RGS7: variants seen among roughly 807,000 people sequenced by gnomAD.
The protein encoded by RGS7 is regulator of G-protein signaling 7.
A neutral mutation model predicts 81.1 loss-of-function variants in RGS7; 27 were observed. The ratio of observed to expected loss-of-function variants is 0.33; its 90% confidence interval spans 0.25 to 0.46. RGS7 has a LOEUF of 0.46. Among genes scored for constraint, RGS7 ranks in the 20% least tolerant of loss-of-function variants. The pLI is 1.00. For missense variants in RGS7, 396 were observed against 607.4 expected, an observed-to-expected ratio of 0.65 and a Z score of 3.66; for synonymous variants, 208 against 207.7, an observed-to-expected ratio of 1.00 and a Z score of -0.01.
intron 3 of RGS7, among the ~76,000 whole-genome samples, chr1:241,067,303 AG>A (rs1283138341): frequency 6.6e-6 from 1 of 152,104 alleles, no homozygotes; most frequent in Admixed American, 6.5e-5. Context: ...CTTGACATTT[AG>A]TAGGCTCTGT....
At position 241,117,842 on chromosome 1, in the gene RGS7, C is replaced by T. The variant is rs539437938; in HGVS notation, c.79-19080G>A. Among the ~76,000 whole-genome samples the T allele has an allele frequency of 5.3e-5, 8 of 152,272 alleles. No individual in the cohort carries two copies. The East Asian group carries it at 1.5e-3, about 29-fold the overall frequency. On this transcript the variant is annotated intron_variant, in intron 2 of 18. Coordinates refer to ENST00000440928, the MANE Select transcript of RGS7 (RefSeq NM_001364886.1). ...CCTCGTGTAAGAAATCAGACAATGG[C>T]ACTGGGGACAATAGCCGGTAATGCA... is the stretch of plus-strand genomic sequence containing the variant.
intron 3 of RGS7, among the ~76,000 whole-genome samples, chr1:241,051,085 G>A (rs764842256): frequency 1.2e-4 from 19 of 152,232 alleles, no homozygotes; most frequent in South Asian, 1.0e-3. Flanking sequence ...GTTAGGGGTG[G>A]GTCTGGGTGC....
chr1:240,993,748 T>C (rs1316400945), intron 3 of RGS7, among the ~76,000 whole-genome samples: 2 of 152,150 alleles, frequency 1.3e-5, no homozygotes, highest in Non-Finnish European at 2.9e-5. Context: ...TAGATTATAG[T>C]ATTAAATCTA....
At chr1:241,017,514 C>A (rs754607577) in intron 3 of RGS7, among the ~76,000 whole-genome samples, 32 of 147,552 alleles carry the variant, frequency 2.2e-4, no homozygotes, top group Non-Finnish European at 4.3e-4. Flanking sequence ...TTTTATGTTG[C>A]TTCTTTGTGT....
At chr1:241,293,442 T>C (rs564473178) in intron 2 of RGS7, among the ~76,000 whole-genome samples, 6 of 152,256 alleles carry the variant, frequency 3.9e-5, no homozygotes, top group South Asian at 2.1e-4. Context: ...CCAGAAGGCA[T>C]TGTTGTCATA....
intron 2 of RGS7, among the ~76,000 whole-genome samples, chr1:241,114,685 A>G (rs1190879052): frequency 2.0e-5 from 3 of 152,218 alleles, no homozygotes; most frequent in Non-Finnish European, 4.4e-5. Context: ...ATTCCTGTGT[A>G]TAAGAATTGT....
intron 2 of RGS7, among the ~76,000 whole-genome samples, chr1:241,172,623 C>A (rs1251036430): frequency 5.9e-5 from 9 of 152,204 alleles, no homozygotes. Flanking sequence ...CAAAACAAAT[C>A]TGGCTGTGTG....
intron 9 of RGS7, among the ~76,000 whole-genome samples, chr1:240,845,005 C>T (rs182598934): frequency 1.4e-4 from 21 of 152,296 alleles, no homozygotes; most frequent in Non-Finnish European, 2.9e-4. Flanking sequence ...AGGTATGTAA[C>T]TGATATCTTC....
chr1:240,894,704 G>T, intron 6 of RGS7, among the ~76,000 whole-genome samples: 1 of 150,814 alleles, frequency 6.6e-6, no homozygotes, highest in Admixed American at 6.6e-5. Context: ...TAATTTTAAT[G>T]GTCTAAAAAT....
chr1:241,130,221 A>C (rs1558755671), intron 2 of RGS7, among the ~76,000 whole-genome samples: 1 of 152,182 alleles, frequency 6.6e-6, no homozygotes, highest in Non-Finnish European at 1.5e-5. Flanking sequence ...GCCCAGCAAG[A>C]ACCCACTTGG....
chr1:241,197,847 G>A (rs74370609), intron 2 of RGS7, among the ~76,000 whole-genome samples: 227 of 88,276 alleles, frequency 2.6e-3, no homozygotes, highest in East Asian at 7.3e-3. Context: ...AAAAAAAAAA[G>A]ATTGCAAACT....
chr1:241,327,343 T>C (rs2081663832), intron 2 of RGS7, among the ~76,000 whole-genome samples: 1 of 152,114 alleles, frequency 6.6e-6, no homozygotes, highest in Non-Finnish European at 1.5e-5. Flanking sequence ...TTCATAAAAC[T>C]GTTTATTATG....
At chr1:241,246,474 T>G (rs541794712) in intron 2 of RGS7, among the ~76,000 whole-genome samples, 1 of 152,256 alleles carries the variant, frequency 6.6e-6, no homozygotes, top group African/African-American at 2.4e-5. Flanking sequence ...CTGTCTGTGT[T>G]CCAATGGAGA....
intron 4 of RGS7, among the ~76,000 whole-genome samples, chr1:240,955,290 G>A (rs1382806023): frequency 2.0e-5 from 3 of 152,078 alleles, no homozygotes; most frequent in South Asian, 2.1e-4. Flanking sequence ...AATAATGAAG[G>A]ATAAAAACAA....
rs550060298 is a variant in RGS7 at position 240,958,289 on chromosome 1, C to T, written c.227-21583G>A. Among the ~76,000 whole-genome samples the T allele has an allele frequency of 3.8e-4, 58 of 152,172 alleles. 1 individual carries two copies. Among genetic ancestry groups the T allele is most frequent in the Non-Finnish European group, 7.3e-4 (50 of 68,034 alleles). On this transcript the variant is annotated intron_variant, in intron 4 of 18. Transcript: ENST00000440928. The stretch of plus-strand genomic sequence containing the variant: ...GATACGATGTCAGATTTTTCAGCTT[C>T]GTTATCTTTGATCATTACAAAGGAT...
chr1:241,298,331 T>C (rs1326175449), intron 2 of RGS7, among the ~76,000 whole-genome samples: 1 of 152,198 alleles, frequency 6.6e-6, no homozygotes, highest in Non-Finnish European at 1.5e-5. Context: ...GAGACCAGTA[T>C]TCCAAGCCAA....
chr1:240,896,453 T>G (rs968271060), intron 6 of RGS7, among the ~76,000 whole-genome samples: 2 of 152,194 alleles, frequency 1.3e-5, no homozygotes, highest in African/African-American at 2.4e-5. Context: ...CTTGAAATAA[T>G]TTTTGTATAA....
At chr1:240,843,992 A>G (rs1430887920) in intron 9 of RGS7, among the ~76,000 whole-genome samples, 1 of 152,214 alleles carries the variant, frequency 6.6e-6, no homozygotes, top group Non-Finnish European at 1.5e-5. Flanking sequence ...CCATGTTGTT[A>G]GCTCAGCCAG....
intron 3 of RGS7, among the ~76,000 whole-genome samples, chr1:241,038,700 A>G (rs186430689): frequency 3.7e-4 from 57 of 152,306 alleles, no homozygotes; most frequent in African/African-American, 1.3e-3. Flanking sequence ...TGGGCAATGA[A>G]CGTAGGGTAG....
Sources: allele counts gnomAD v4.1 joint callset (sites outside exome capture counted in the v4.1 genomes callset), GRCh38; gene constraint gnomAD v4.1.1; transcripts MANE v1.5; gene names NCBI Gene and HGNC (gene_info 2026-07-23, HGNC 2026-07-21).